The following FAM114A1 variants were observed in gnomAD, a reference collection of about 807,000 sequenced individuals.
FAM114A1 encodes family with sequence similarity 114 member A1.
A neutral mutation model predicts 64.3 loss-of-function variants in FAM114A1; 62 were observed. The observed-to-expected ratio is 0.96, with a 90% CI of 0.79 to 1.19. FAM114A1 has a LOEUF of 1.19. Among genes scored for constraint, FAM114A1 ranks in the 50% most tolerant of loss-of-function variants. FAM114A1 has a pLI of 0.00. For missense variants in FAM114A1, 645 were observed against 676.3 expected (o/e 0.95, Z 0.51); for synonymous variants, 254 against 251.1 (o/e 1.01, Z -0.11).
chr4:38,930,919 C>G (rs1396975776), intron 10 of FAM114A1, among the ~76,000 whole-genome samples: 3 of 152,104 alleles, frequency 2.0e-5, no homozygotes, highest in African/African-American at 7.2e-5. Flanking sequence ...TCTTCTCCCC[C>G]TTGAGGGTGG....
At chr4:38,889,322 A>G (rs970381235) in intron 3 of FAM114A1, among the ~76,000 whole-genome samples, 3 of 152,192 alleles carry the variant, frequency 2.0e-5, no homozygotes, top group Admixed American at 2.0e-4. Flanking sequence ...GACACCAAAA[A>G]TGAAAGCAGG....
rs1721781815 is a variant in FAM114A1, at chr4:38,944,051, AG to A, written c.*496del. 6.6e-6 allele frequency: 1 copy of A among 151,888 alleles called. No individual in the cohort carries two copies. 9.4% of individuals were successfully genotyped at this position (151,888 alleles called of 1,614,324 possible). On this transcript the variant is annotated 3_prime_UTR_variant, in exon 15 of 15. Coordinates refer to ENST00000358869, the MANE Select transcript of FAM114A1 (RefSeq NM_138389.4). ...GATTTTACCTATTATGGTAAAAAAT[AG>A]GAACATATTGTCATTCTTTTTTTTT...
At chr4:38,887,698 A>G (rs1342988220) in intron 3 of FAM114A1, among the ~76,000 whole-genome samples, 2 of 152,262 alleles carry the variant, frequency 1.3e-5, no homozygotes, top group African/African-American at 4.8e-5. Flanking sequence ...CGTATCTTCC[A>G]TGCTTTCAAC....
intron 2 of FAM114A1, among the ~76,000 whole-genome samples, chr4:38,876,171 T>C (rs1417713777): frequency 7.1e-6 from 1 of 141,054 alleles, no homozygotes; most frequent in Non-Finnish European, 1.5e-5. Context: ...TCTTTTTTCT[T>C]TTTTTTTTTT....
At chr4:38,880,219 G>C (rs1400707735) in intron 3 of FAM114A1, among the ~76,000 whole-genome samples, 1 of 152,042 alleles carries the variant, frequency 6.6e-6, no homozygotes, top group Middle Eastern at 3.4e-3. Context: ...TTCTGATTCA[G>C]GAATGGGGCT....
intron 3 of FAM114A1, among the ~76,000 whole-genome samples, chr4:38,890,513 G>T (rs1299393925): frequency 6.6e-6 from 1 of 151,904 alleles, no homozygotes; most frequent in Non-Finnish European, 1.5e-5. Context: ...ATTTTCCACT[G>T]CCTCCTTACT....
At chr4:38,896,755 T>G (rs1716981088) in intron 4 of FAM114A1, among the ~76,000 whole-genome samples, 1 of 152,216 alleles carries the variant, frequency 6.6e-6, no homozygotes, top group Non-Finnish European at 1.5e-5. Context: ...CATTAGCAGT[T>G]TATTATCATC....
intron 7 of FAM114A1, among the ~76,000 whole-genome samples, chr4:38,914,412 A>G (rs1332681349): frequency 1.3e-5 from 2 of 151,916 alleles, no homozygotes; most frequent in African/African-American, 4.8e-5. Flanking sequence ...CAAAAAATAC[A>G]AAAATTAGCT....
rs11944515 is a variant in FAM114A1 at position 38,881,684 on chromosome 4, G to A, written c.348+3258G>A. On this transcript the variant is annotated intron_variant, in intron 3 of 14. Transcript: ENST00000358869. ...GATTACCAGGAAAGGGGATTCTACTGTCTCTCTTAGTAGCTTATCCTTTTA... is the reference window on the plus strand; with the variant it reads ...GATTACCAGGAAAGGGGATTCTACTATCTCTCTTAGTAGCTTATCCTTTTA... Among the ~76,000 whole-genome samples, 8 of 152,072 alleles carry A rather than the reference G, an allele frequency of 5.3e-5. No homozygotes were observed. The South Asian group carries it at 1.2e-3, about 24-fold the overall frequency.
intron 3 of FAM114A1, among the ~76,000 whole-genome samples, chr4:38,883,785 C>G (rs137928403): frequency 5.3e-4 from 81 of 152,308 alleles, no homozygotes; most frequent in African/African-American, 1.9e-3. Context: ...TTGGCCTGCT[C>G]TAAAAGGACA....
chr4:38,905,872 G>A lies in FAM114A1; in HGVS notation c.657+11G>A. ...GTGGTTCAAAACACAGTGAGTCGCT[G>A]GCTGCTTCCTCTCTTTCCCCTGTAT... On this transcript the variant is annotated intron_variant, in intron 6 of 14. Coordinates refer to ENST00000358869, the MANE Select transcript of FAM114A1 (RefSeq NM_138389.4). 1 of 1,604,970 alleles carries A rather than the reference G, an allele frequency of 6.2e-7. No homozygotes were observed. Among genetic ancestry groups the A allele is most frequent in the African/African-American group, 1.3e-5 (1 of 74,124 alleles).
Position 38,943,547 on chromosome 4 carries a change from C to T in FAM114A1, c.1682C>T (p.Ala561Val). The change falls in exon 15 of 15, where the codon GCA becomes GTA. Residue 561 changes from alanine (A) to valine (V), a missense_variant. By Grantham distance (64) the Ala-to-Val change is moderately conservative. Transcript: ENST00000358869. ...CATATCCAGACCAGTTGTTTGAAAG[C>T]ACAGCCGTGACCTGGCCAGACTCCA... Reference protein sequence around the residue: ...VSHIQTSCLKAQP With the variant: ...VSHIQTSCLKVQP 6.2e-7 allele frequency: 1 copy of T among 1,613,888 alleles called. No homozygotes were observed. Among genetic ancestry groups the T allele is most frequent in the South Asian group, 1.1e-5 (1 of 91,054 alleles).
intron 4 of FAM114A1, among the ~76,000 whole-genome samples, chr4:38,893,698 A>G (rs1716618264): frequency 6.6e-6 from 1 of 152,188 alleles, no homozygotes; most frequent in African/African-American, 2.4e-5. Flanking sequence ...CTGTCCATGA[A>G]CTGACAGCTC....
At chr4:38,884,779 G>C (rs1183426407) in intron 3 of FAM114A1, among the ~76,000 whole-genome samples, 1 of 152,110 alleles carries the variant, frequency 6.6e-6, no homozygotes, top group Non-Finnish European at 1.5e-5. Context: ...CAAGGCAACT[G>C]TCTGGATTTC....
chr4:38,882,428 G>A lies in FAM114A1; in HGVS notation c.348+4002G>A, dbSNP rs191353067. Among the ~76,000 whole-genome samples, 289 of 151,748 alleles carry A rather than the reference G, an allele frequency of 1.9e-3. 6 individuals are homozygous for A. The East Asian group carries it at 0.047, about 25-fold the overall frequency. ...CCGGATCACCTGAGGTCAGGAGTTC[G>A]AGACCAGCCTGACCAATATGGAGAA... On this transcript the variant is annotated intron_variant, in intron 3 of 14. Coordinates refer to ENST00000358869, the MANE Select transcript of FAM114A1 (RefSeq NM_138389.4).
chr4:38,909,880 A>G (rs575936344), intron 7 of FAM114A1, among the ~76,000 whole-genome samples: 90 of 152,216 alleles, frequency 5.9e-4, no homozygotes, highest in Non-Finnish European at 1.1e-3. Context: ...CTCCGATGTT[A>G]TAGTCCAGGG....
chr4:38,943,517 T>A lies in FAM114A1; in HGVS notation c.1652T>A (p.Val551Asp). Residue 551 changes from valine (V) to aspartate (D), a missense_variant, in exon 15 of 15, where the codon GTC (valine) becomes GAC (aspartate). Transcript: ENST00000358869. ...AFQLLLPVLQ[V>D]SHIQTSCLKA... ...CAGCTGCTGCTGCCTGTTCTGCAGG[T>A]CTCACATATCCAGACCAGTTGTTTG... 6.2e-7 allele frequency: 1 copy of A among 1,614,058 alleles called. No individual in the cohort carries two copies. Among genetic ancestry groups the A allele is most frequent in the Non-Finnish European group, 8.5e-7 (1 of 1,179,964 alleles).
intron 6 of FAM114A1, among the ~76,000 whole-genome samples, chr4:38,906,225 C>A (rs1303924869): frequency 1.3e-5 from 2 of 151,988 alleles, no homozygotes; most frequent in Non-Finnish European, 2.9e-5. Flanking sequence ...TTATCTTATC[C>A]CTGAGTTTGA....
rs145338215 is a variant in FAM114A1 at position 38,916,608 on chromosome 4, A to G, written c.945+1535A>G. Among the ~76,000 whole-genome samples the G allele has an allele frequency of 5.9e-5, 9 of 152,316 alleles. No homozygotes were observed. In the East Asian group the frequency reaches 1.4e-3, roughly 23 times the overall value. On this transcript the variant is annotated intron_variant, in intron 8 of 14. Coordinates refer to ENST00000358869, the MANE Select transcript of FAM114A1 (RefSeq NM_138389.4). The stretch of plus-strand genomic sequence containing the variant: ...TCTTACTCATAAGTGAAGTTGAACA[A>G]TGAGAACATATGGACACAGGGAGGG...
Sources: gnomAD v4.1 joint callset for allele counts (sites outside exome capture counted in the v4.1 genomes callset) on GRCh38, gnomAD v4.1.1 for gene constraint, MANE v1.5 for transcripts, NCBI Gene and HGNC (gene_info 2026-07-23, HGNC 2026-07-21) for gene names.